Variants in CHRNA7 observed in about 807,000 individuals in gnomAD.
CHRNA7 encodes the protein neuronal acetylcholine receptor subunit alpha-7.
In CHRNA7, 17 loss-of-function variants were observed where a neutral mutation model predicts 48.0. That is an observed-to-expected ratio of 0.35 (90% confidence interval 0.24 to 0.53). CHRNA7 has a LOEUF of 0.53. CHRNA7 is among the 20% of genes least tolerant of loss of function. CHRNA7 has a pLI of 0.92. For missense variants in CHRNA7, 155 were observed against 577.7 expected (o/e 0.27, Z 7.50); for synonymous variants, 75 against 242.3 (o/e 0.31, Z 6.41).
At chr15:32,130,402 T>C (rs1484271475) in intron 4 of CHRNA7, among the ~76,000 whole-genome samples, 1 of 151,888 alleles carries the variant, frequency 6.6e-6, no homozygotes, top group Non-Finnish European at 1.5e-5. Flanking sequence ...CTTGGTAGAC[T>C]GAGCTTTTAT....
rs372698164 is a variant in CHRNA7 at position 32,116,389 on chromosome 15, G to T, written c.350+4490G>T. ...GAATGGGCTGCTGTATTTCCTTGAT[G>T]GGTGGGTAACAAGTCATGCTGCTGC... is the stretch of plus-strand genomic sequence containing the variant. On this transcript the variant is annotated intron_variant, in intron 4 of 9. Transcript: ENST00000306901. Among the ~76,000 whole-genome samples the T allele has an allele frequency of 1.8e-4, 27 of 152,346 alleles. No individual in the cohort carries two copies. In the East Asian group the frequency reaches 5.0e-3, roughly 28 times the overall value.
chr15:32,036,179 A>G (rs929632319), intron 2 of CHRNA7, among the ~76,000 whole-genome samples: 1 of 151,552 alleles, frequency 6.6e-6, no homozygotes, highest in South Asian at 2.1e-4. Context: ...TTGGAATCAT[A>G]CAGTCTGTAG....
intron 2 of CHRNA7, among the ~76,000 whole-genome samples, chr15:32,060,211 C>T (rs1431765555): frequency 6.6e-6 from 1 of 152,104 alleles, no homozygotes; most frequent in African/African-American, 2.4e-5. Flanking sequence ...AGAATTCACT[C>T]TACAAACGGT....
chr15:32,030,849 C>A (rs1901789613), intron 1 of CHRNA7, 49 bp from the exon 2 acceptor site: 1 of 1,589,298 alleles, frequency 6.3e-7, no homozygotes, highest in Non-Finnish European at 8.6e-7. Context: ...GTCGGGGGTA[C>A]CCCCGCCGGC....
intron 2 of CHRNA7, among the ~76,000 whole-genome samples, chr15:32,074,891 C>T (rs1457269334): frequency 2.0e-5 from 3 of 152,036 alleles, no homozygotes; most frequent in African/African-American, 2.4e-5. Flanking sequence ...TCAGGTGATC[C>T]ACCCACCTCG....
intron 2 of CHRNA7, among the ~76,000 whole-genome samples, chr15:32,091,364 T>C (rs558681540): frequency 6.6e-6 from 1 of 152,240 alleles, no homozygotes; most frequent in African/African-American, 2.4e-5. Flanking sequence ...TCTTTTGTCT[T>C]TTTTGTGGTT....
At chr15:32,050,338 T>C (rs1339283337) in intron 2 of CHRNA7, among the ~76,000 whole-genome samples, 1 of 152,124 alleles carries the variant, frequency 6.6e-6, no homozygotes, top group African/African-American at 2.4e-5. Flanking sequence ...GGAGGCTTTG[T>C]TCGTTTCTTT....
chr15:32,104,610 C>T (rs1405007270), intron 3 of CHRNA7, among the ~76,000 whole-genome samples: 1 of 152,134 alleles, frequency 6.6e-6, no homozygotes, highest in African/African-American at 2.4e-5. Flanking sequence ...CGGTCACTGC[C>T]GTACCCACAG....
chr15:32,040,042 T>G (rs902524553), intron 2 of CHRNA7, among the ~76,000 whole-genome samples: 2 of 152,250 alleles, frequency 1.3e-5, no homozygotes, highest in South Asian at 4.1e-4. Flanking sequence ...TGAAGTACGC[T>G]CTATCTGAAA....
intron 2 of CHRNA7, among the ~76,000 whole-genome samples, chr15:32,051,744 C>T (rs1221423943): frequency 6.6e-6 from 1 of 152,230 alleles, no homozygotes; most frequent in South Asian, 2.1e-4. Context: ...TTCTGCATTG[C>T]TCAGGCTGGG....
intron 4 of CHRNA7, among the ~76,000 whole-genome samples, chr15:32,152,509 G>C (rs1191157035): frequency 6.6e-6 from 1 of 152,206 alleles, no homozygotes; most frequent in African/African-American, 2.4e-5. Context: ...GGGAGGCCGA[G>C]AGAGTGCGGG....
intron 3 of CHRNA7, 117 bp downstream of exon 3, chr15:32,101,464 A>C: frequency 8.9e-7 from 1 of 1,122,616 alleles, no homozygotes; most frequent in Non-Finnish European, 1.3e-6. Context: ...AAAAAACCAA[A>C]AAAACAAAAG....
chr15:32,079,614 AACTAC>A (rs1172823126), intron 2 of CHRNA7, among the ~76,000 whole-genome samples: 1 of 152,180 alleles, frequency 6.6e-6, no homozygotes, highest in African/African-American at 2.4e-5. Flanking sequence ...CTTCAAGGAG[AACTAC>A]AAACCACTGC....
chr15:32,124,083 C>G (rs1595474257), intron 4 of CHRNA7, among the ~76,000 whole-genome samples: 1 of 151,754 alleles, frequency 6.6e-6, no homozygotes, highest in East Asian at 1.9e-4. Flanking sequence ...TAACAGTTCT[C>G]AAACCAAAAC....
intron 4 of CHRNA7, among the ~76,000 whole-genome samples, chr15:32,130,300 T>C (rs2051132675): frequency 6.6e-6 from 1 of 151,992 alleles, no homozygotes; most frequent in South Asian, 2.1e-4. Flanking sequence ...AGTTGTGAAC[T>C]TGTCTATATC....
At chr15:32,072,030 A>T (rs2050066387) in intron 2 of CHRNA7, among the ~76,000 whole-genome samples, 1 of 152,112 alleles carries the variant, frequency 6.6e-6, no homozygotes, top group Non-Finnish European at 1.5e-5. Flanking sequence ...AAAGTTTGGA[A>T]CTTCTTAGAG....
intron 3 of CHRNA7, among the ~76,000 whole-genome samples, chr15:32,105,506 AG>A (rs1241415252): frequency 6.6e-6 from 1 of 150,590 alleles, no homozygotes; most frequent in African/African-American, 2.5e-5. Context: ...GGAGGAAAGG[AG>A]GAGGAGGAGG....
chr15:32,137,031 C>CAAAAAAAAA, intron 4 of CHRNA7, among the ~76,000 whole-genome samples: 41 of 63,670 alleles, frequency 6.4e-4, no homozygotes, highest in South Asian at 1.5e-3. Flanking sequence ...GACTCCGTCT[C>CAAAAAAAAA]AAAAAAAAAA....
intron 4 of CHRNA7, among the ~76,000 whole-genome samples, chr15:32,146,168 C>T (rs976415806): frequency 6.6e-6 from 1 of 152,072 alleles, no homozygotes; most frequent in Non-Finnish European, 1.5e-5. Context: ...GTTTAACTTT[C>T]AAAAAAGTCC....
Sources: gnomAD v4.1 joint callset for allele counts (sites outside exome capture counted in the v4.1 genomes callset) on GRCh38, gnomAD v4.1.1 for gene constraint, MANE v1.5 for transcripts, NCBI Gene and HGNC (gene_info 2026-07-23, HGNC 2026-07-21) for gene names.